The following PAN2 variants were observed in gnomAD, a reference collection of about 807,000 sequenced individuals.
PAN2 encodes the protein PAN2-PAN3 deadenylation complex catalytic subunit PAN2.
Under a neutral mutation model 133.3 loss-of-function variants are expected in PAN2, and 68 were observed. The observed-to-expected ratio is 0.51, with a 90% confidence interval of 0.42 to 0.62. The LOEUF is 0.62. Ranked by LOEUF, PAN2 falls within the 20% of genes least tolerant of loss-of-function variation. The pLI is 0.00. For synonymous variants in PAN2, 462 were observed against 544.6 expected, an observed-to-expected ratio of 0.85 and a Z score of 2.11; for missense variants, 1,042 against 1,500.5, an observed-to-expected ratio of 0.69 and a Z score of 5.05.
chr12:56,317,456 C>A lies in PAN2; in HGVS notation c.*153G>T, dbSNP rs1454094455. ...ACCTTTGCAACAATTCTGCTGTGTT[C>A]CAGTTCAATTAATAGCACCATCTGT... On this transcript the variant is annotated 3_prime_UTR_variant, in exon 26 of 26. Coordinates refer to ENST00000440411, the MANE Select transcript of PAN2 (RefSeq NM_014871.6). The A allele has an allele frequency of 1.5e-6, 1 of 663,882 alleles. No homozygotes were observed. The highest frequency in any genetic ancestry group is 2.7e-6 in the Non-Finnish European group (1 of 366,774). The allele number at this position is 663,882 out of a possible 1,614,324, so 41.1% of individuals were successfully genotyped here.
At chr12:56,324,733 G>A (rs1319021889) in intron 10 of PAN2, 24 bp from the exon 11 acceptor site, 2 of 1,606,024 alleles carry the variant, frequency 1.2e-6, no homozygotes, top group African/African-American at 2.7e-5. Flanking sequence ...CAGAAGAACT[G>A]ATGTAGGAAA....
At chr12:56,328,384 G>T in intron 3 of PAN2, 26 bp from the exon 4 acceptor site, 1 of 1,593,694 alleles carries the variant, frequency 6.3e-7, no homozygotes, top group Non-Finnish European at 8.6e-7. Flanking sequence ...AAGGCTAAGG[G>T]GCCCAGGCCT....
Position 56,318,438 on chromosome 12 carries a change from G to T in PAN2, c.3365-4C>A, listed in dbSNP as rs538346334. The T allele has an allele frequency of 6.2e-7, 1 of 1,612,694 alleles. No homozygotes were observed. Among genetic ancestry groups the T allele is most frequent in the South Asian group, 1.1e-5 (1 of 91,044 alleles). ...GTTTCCCCTTGAATCTTCAGGTCTGGGGTAAGTAAAGGTGGAATAGTTTGG... is the reference window on the plus strand; with the variant it reads ...GTTTCCCCTTGAATCTTCAGGTCTGTGGTAAGTAAAGGTGGAATAGTTTGG... On this transcript the variant is annotated splice_polypyrimidine_tract_variant and splice_region_variant and intron_variant, in intron 24 of 25. Coordinates refer to ENST00000440411, the MANE Select transcript of PAN2 (RefSeq NM_014871.6).
At chr12:56,327,303 C>T (rs774191506) in intron 6 of PAN2, 61 bp downstream of exon 6, 27 of 1,559,624 alleles carry the variant, frequency 1.7e-5, no homozygotes, top group East Asian at 6.8e-5. Context: ...AGTACTCCTT[C>T]GGGTTCTAGC....
intron 10 of PAN2, 27 bp downstream of exon 10, chr12:56,324,982 C>G (rs1323824948): frequency 6.2e-7 from 1 of 1,611,660 alleles, no homozygotes; most frequent in East Asian, 2.2e-5. Context: ...CAGGCACGTT[C>G]AAGTTACAGG....
intron 2 of PAN2, among the ~76,000 whole-genome samples, chr12:56,332,234 T>G (rs998049849): frequency 2.0e-5 from 3 of 152,014 alleles, no homozygotes; most frequent in Admixed American, 2.0e-4. Flanking sequence ...GAGATTAGAT[T>G]TGGATGGCTA....
Position 56,324,039 on chromosome 12 carries a change from C to T in PAN2, c.2065+10G>A. On this transcript the variant is annotated intron_variant, in intron 13 of 25. Transcript: ENST00000440411. ...CCCAACTGAGCTGAAGGGTATACCA[C>T]TTTTGCTACCATCAGGGTAGGAGAG... 6.2e-7 allele frequency: 1 copy of T among 1,614,170 alleles called. No homozygotes were observed. The highest frequency in any genetic ancestry group is 8.5e-7 in the Non-Finnish European group (1 of 1,180,008).
In PAN2 at chr12:56,327,431, A is replaced by G. The variant is rs749877229; in HGVS notation, c.852T>C (p.His284=). 65 of 1,614,100 alleles carry G rather than the reference A, an allele frequency of 4.0e-5. No homozygotes were observed. In the South Asian group the frequency reaches 6.7e-4, roughly 17 times the overall value. The change falls in exon 6 of 26, where the codon CAT becomes CAC. Residue 284 remains histidine, a synonymous_variant. Transcript: ENST00000440411. ...MMRAITPLQV[H]VDPAFLRFIP... is the part of the protein sequence containing the mutation. ...TGAAGCGCAAGAAGGCAGGATCCAC[A>G]TGTACTTGAAGTGGTGTGATGGCAC...
Position 56,324,064 on chromosome 12 carries a change from G to A in PAN2, c.2050C>T (p.Leu684Phe), listed in dbSNP as rs1416784081. 6 of 1,614,226 alleles carry A rather than the reference G, an allele frequency of 3.7e-6. No individual in the cohort carries two copies. Among genetic ancestry groups the A allele is most frequent in the Non-Finnish European group, 5.1e-6 (6 of 1,180,040 alleles). Residue 684 changes from leucine (L) to phenylalanine (F), a missense_variant, in exon 13 of 26, where the codon CTC (leucine) becomes TTC (phenylalanine). Coordinates refer to ENST00000440411, the MANE Select transcript of PAN2 (RefSeq NM_014871.6). ...VRASSTLLFT[L>F]SYPDDKTGKN... ...CTTTTGCTACCATCAGGGTAGGAGA[G>A]TGTGAAAAGCAGAGTGGATGAGGCT...
chr12:56,323,950 C>A (rs1874841332), intron 13 of PAN2, 37 bp from the exon 14 acceptor site: 1 of 1,605,490 alleles, frequency 6.2e-7, no homozygotes, highest in Admixed American at 1.7e-5. Context: ...CTGGTTCTCC[C>A]CTCTACCCAC....
rs1456601581 is a variant in PAN2, at chr12:56,318,261, G to T, written c.3538C>A (p.Pro1180Thr). Residue 1180 changes from proline (P) to threonine (T), a missense_variant, in exon 25 of 26, where the codon CCT (proline) becomes ACT (threonine). Physicochemically the swap from Pro to Thr is conservative, Grantham distance 38 (BLOSUM62 -1). This residue lies in a region of PAN2 where 85 missense variants were observed against 116.5 expected (regional missense o/e 0.73). Coordinates refer to ENST00000440411, the MANE Select transcript of PAN2 (RefSeq NM_014871.6). ...GRKMDWKVPE[P>T]EGQTSPKNAA... ...CTCTTGGGACTTGTTTGGCCCTCAG[G>T]CTCAGGCACCTTCCAGTCCATCTTT... 1 of 1,614,044 alleles carries T rather than the reference G, an allele frequency of 6.2e-7. No homozygotes were observed. The highest frequency in any genetic ancestry group is 8.5e-7 in the Non-Finnish European group (1 of 1,179,954).
At chr12:56,325,494 G>A (rs1592439325) in intron 8 of PAN2, 40 bp from the exon 9 acceptor site, 1 of 1,610,480 alleles carries the variant, frequency 6.2e-7, no homozygotes, top group South Asian at 1.1e-5. Context: ...TGGATGTCTT[G>A]TCATCTTTGG....
At position 56,323,797 on chromosome 12, in the gene PAN2, G is replaced by C. The variant is rs1178694011; in HGVS notation, c.2172+10C>G. 6.3e-7 allele frequency: 1 copy of C among 1,588,216 alleles called. No homozygotes were observed. Among genetic ancestry groups the C allele is most frequent in the Non-Finnish European group, 8.6e-7 (1 of 1,156,620 alleles). On this transcript the variant is annotated intron_variant, in intron 14 of 25. Transcript: ENST00000440411. ...ACCAGGACTCTAGTCCAGTCCAACA[G>C]TCCACTCACCGTGGGCTGGTACTTT...
intron 2 of PAN2, among the ~76,000 whole-genome samples, chr12:56,329,744 C>T (rs954861457): frequency 6.6e-6 from 1 of 151,380 alleles, no homozygotes; most frequent in African/African-American, 2.4e-5. Flanking sequence ...AGGAGTTTGA[C>T]ACCAGCCTGG....
chr12:56,328,178 T>C, intron 4 of PAN2, 60 bp downstream of exon 4: 2 of 1,596,600 alleles, frequency 1.3e-6, no homozygotes, highest in Middle Eastern at 1.7e-4. Flanking sequence ...AGCCCAAGCA[T>C]ACCCTGCCCC....
intron 2 of PAN2, among the ~76,000 whole-genome samples, chr12:56,331,378 C>T (rs1419457486): frequency 2.0e-5 from 3 of 152,190 alleles, no homozygotes; most frequent in African/African-American, 7.2e-5. Context: ...CTGATTTCTA[C>T]TCATGTTGCA....
At chr12:56,329,450 C>T (rs1875490429) in intron 2 of PAN2, among the ~76,000 whole-genome samples, 1 of 152,016 alleles carries the variant, frequency 6.6e-6, no homozygotes. Context: ...ATTCTCCTGC[C>T]TCCCAAGTAG....
At chr12:56,325,887 C>A (rs1875068306) in intron 8 of PAN2, among the ~76,000 whole-genome samples, 1 of 152,192 alleles carries the variant, frequency 6.6e-6, no homozygotes, top group Admixed American at 6.5e-5. Flanking sequence ...CTCTTGAGAT[C>A]TTTACTAACA....
At chr12:56,329,639 T>G (rs1022272688) in intron 2 of PAN2, among the ~76,000 whole-genome samples, 2 of 151,572 alleles carry the variant, frequency 1.3e-5, no homozygotes, top group Non-Finnish European at 2.9e-5. Context: ...CCTATTTTGC[T>G]TCCTAAATAT....
Sources: gnomAD v4.1 joint callset for allele counts (sites outside exome capture counted in the v4.1 genomes callset) on GRCh38, gnomAD v4.1.1 for gene constraint, gnomAD v4.1.1 regional missense constraint, MANE v1.5 for transcripts, NCBI Gene and HGNC (gene_info 2026-07-23, HGNC 2026-07-21) for gene names.